TTF1: variants seen among roughly 807,000 people sequenced by gnomAD.
TTF1 encodes the protein transcription termination factor 1.
TTF1 carries 64 observed loss-of-function variants against 80.2 expected under a neutral mutation model. The ratio of observed to expected loss-of-function variants is 0.80; its 90% confidence interval spans 0.65 to 0.98. The LOEUF (loss-of-function observed/expected upper bound fraction) is 0.98, where lower values mean the gene tolerates loss of function less well. TTF1 is among the 50% of genes least tolerant of loss of function. The probability of loss-of-function intolerance (pLI) is 0.00; values close to 1 mark genes in which losing one functional copy is unlikely to be tolerated. For synonymous variants in TTF1, 372 were observed against 382.7 expected (o/e 0.97, Z 0.33); for missense variants, 1,023 against 1,086.2 (o/e 0.94, Z 0.82).
intron 1 of TTF1, among the ~76,000 whole-genome samples, chr9:132,406,007 C>T (rs1849859271): frequency 6.6e-6 from 1 of 152,208 alleles, no homozygotes; most frequent in Non-Finnish European, 1.5e-5. Context: ...CCAGCTGCTC[C>T]CCATTGCACT....
intron 9 of TTF1, among the ~76,000 whole-genome samples, chr9:132,380,128 G>A (rs778669612): frequency 3.3e-5 from 5 of 152,070 alleles, no homozygotes; most frequent in Non-Finnish European, 5.9e-5. Flanking sequence ...GGAGTGCAGA[G>A]GCACATTCTC....
At chr9:132,399,634 C>G (rs976079643) in intron 3 of TTF1, among the ~76,000 whole-genome samples, 1 of 152,218 alleles carries the variant, frequency 6.6e-6, no homozygotes, top group Admixed American at 6.5e-5. Flanking sequence ...TCTACCACAA[C>G]TGGCTCACCA....
At chr9:132,395,514 T>C (rs1183559339) in intron 5 of TTF1, among the ~76,000 whole-genome samples, 1 of 152,236 alleles carries the variant, frequency 6.6e-6, no homozygotes, top group East Asian at 1.9e-4. Flanking sequence ...TTTAGTGGAT[T>C]TTCTTAAAAG....
chr9:132,396,042 A>G (rs1849642235), intron 5 of TTF1, among the ~76,000 whole-genome samples: 1 of 152,214 alleles, frequency 6.6e-6, no homozygotes, highest in Non-Finnish European at 1.5e-5. Context: ...TCCACCTTCA[A>G]ATAGTTACTA....
At chr9:132,383,250 C>A (rs1305791901) in intron 9 of TTF1, among the ~76,000 whole-genome samples, 17 of 125,346 alleles carry the variant, frequency 1.4e-4, no homozygotes, top group African/African-American at 4.1e-4. Flanking sequence ...CTCTTGTCTT[C>A]AAAAAAAAAA....
chr9:132,377,449 GGT>G (rs1255611087), intron 10 of TTF1, among the ~76,000 whole-genome samples: 10 of 102,302 alleles, frequency 9.8e-5, no homozygotes, highest in Non-Finnish European at 1.4e-4. Flanking sequence ...GCATGCATGT[GGT>G]GTGTGTGAGT....
chr9:132,386,482 A>G (rs1432215026), intron 9 of TTF1, 74 bp downstream of exon 9: 23 of 1,193,332 alleles, frequency 1.9e-5, no homozygotes, highest in Non-Finnish European at 2.6e-5. Context: ...GCCCTGTAAG[A>G]TGATAGGGAG....
chr9:132,392,898 C>A lies in TTF1; in HGVS notation c.1857-692G>T, dbSNP rs12352748. On this transcript the variant is annotated intron_variant, in intron 5 of 10. Transcript: ENST00000334270. Reference sequence around the variant, plus strand: ...ACATTAAAAATGCCTATCATTTCAACACGTCATCAGTATCAAAAAATATCA... The same window carrying A: ...ACATTAAAAATGCCTATCATTTCAAAACGTCATCAGTATCAAAAAATATCA... Among the ~76,000 whole-genome samples, 1,374 of 152,262 alleles carry A rather than the reference C, an allele frequency of 9.0e-3. 21 individuals are homozygous for A. Among genetic ancestry groups the A allele is most frequent in the African/African-American group, 0.032 (1,316 of 41,544 alleles).
At position 132,402,103 on chromosome 9, in the gene TTF1, G is replaced by T; in HGVS notation, c.719C>A (p.Ser240Ter). 1 of 1,613,990 alleles carries T rather than the reference G, an allele frequency of 6.2e-7. No homozygotes were observed. The highest frequency in any genetic ancestry group is 8.5e-7 in the Non-Finnish European group (1 of 1,180,008). Residue 240 changes from serine to a stop codon, truncating the protein, a stop_gained, in exon 2 of 11, where the codon TCG becomes TAG. Transcript: ENST00000334270. LOFTEE classifies it high-confidence loss of function. ...EYETLAMPEG[S>*]QAGREAGTDM... Reference sequence around the variant, plus strand: ...AGTCCCGGCCTCTCTGCCTGCTTGCGATCCTTCAGGCATGGCCAGTGTCTC... The same window carrying T: ...AGTCCCGGCCTCTCTGCCTGCTTGCTATCCTTCAGGCATGGCCAGTGTCTC...
intron 10 of TTF1, among the ~76,000 whole-genome samples, chr9:132,378,271 TG>T (rs1317481968): frequency 9.1e-6 from 1 of 110,024 alleles, no homozygotes; most frequent in African/African-American, 3.7e-5. Flanking sequence ...TGAGTGCATG[TG>T]GTGTGTGAAT....
chr9:132,378,932 G>A, intron 10 of TTF1, 127 bp downstream of exon 10: 1 of 638,156 alleles, frequency 1.6e-6, no homozygotes, highest in East Asian at 2.9e-5. Flanking sequence ...TAATCTGCCT[G>A]TTTCCACCAT....
chr9:132,396,378 G>T (rs1849648795), intron 5 of TTF1, 55 bp downstream of exon 5: 2 of 1,516,378 alleles, frequency 1.3e-6, no homozygotes. Context: ...TTGATTTATG[G>T]TATCAGCAAA....
chr9:132,392,557 G>A (rs1295356500), intron 5 of TTF1, among the ~76,000 whole-genome samples: 4 of 151,214 alleles, frequency 2.6e-5, no homozygotes, highest in Admixed American at 2.0e-4. Flanking sequence ...TTTTCGGGGA[G>A]CGCCTCCCTG....
At chr9:132,396,587 C>A in intron 4 of TTF1, 76 bp from the exon 5 acceptor site, 1 of 1,226,826 alleles carries the variant, frequency 8.2e-7, no homozygotes, top group Non-Finnish European at 1.2e-6. Context: ...CCAGAACAGC[C>A]CTTATAACAA....
rs573130561 is a variant in TTF1 at position 132,389,023 on chromosome 9, A to G, written c.2223-795T>C. 3.9e-5 allele frequency among the ~76,000 whole-genome samples: 6 copies of G among 152,316 alleles called. No homozygotes were observed. In the East Asian group the frequency reaches 9.6e-4, roughly 24 times the overall value. Reference sequence around the variant, plus strand: ...TGTTACACAAGGTAAATAAACGTTCAGAGTTTAAGTTTCCTATTTTTATCT... The same window carrying G: ...TGTTACACAAGGTAAATAAACGTTCGGAGTTTAAGTTTCCTATTTTTATCT... On this transcript the variant is annotated intron_variant, in intron 7 of 10. Transcript: ENST00000334270.
At chr9:132,376,299 T>C (rs934030153) in intron 10 of TTF1, 131 bp from the exon 11 acceptor site, 11 of 1,036,240 alleles carry the variant, frequency 1.1e-5, no homozygotes, top group African/African-American at 3.2e-5. Flanking sequence ...CTGGTTCCAA[T>C]TGGTTTACCC....
Position 132,396,324 on chromosome 9 carries a change from C to T in TTF1, c.1856+109G>A, listed in dbSNP as rs189334135. ...AATACACCACCTGGTTTCACACACA[C>T]AAATCTGCGTTATCTTTACTGCTAA... On this transcript the variant is annotated intron_variant, in intron 5 of 10. Transcript: ENST00000334270. 3,490 of 1,149,928 alleles carry T rather than the reference C, an allele frequency of 3.0e-3. 11 individuals are homozygous for T. Among genetic ancestry groups the T allele is most frequent in the Admixed American group, 6.3e-3 (328 of 52,396 alleles). The allele number at this position is 1,149,928 out of a possible 1,614,324, so 71.2% of individuals were successfully genotyped here.
chr9:132,391,351 G>A (rs1256132831), intron 6 of TTF1, among the ~76,000 whole-genome samples: 2 of 152,096 alleles, frequency 1.3e-5, no homozygotes, highest in East Asian at 3.8e-4. Context: ...AGACATTCAC[G>A]GTCACGCTAA....
intron 9 of TTF1, among the ~76,000 whole-genome samples, chr9:132,381,822 A>G (rs1849376175): frequency 6.6e-6 from 1 of 152,170 alleles, no homozygotes; most frequent in Non-Finnish European, 1.5e-5. Flanking sequence ...TAACCACCAG[A>G]ACCAGTTTAA....
Sources: gnomAD v4.1 joint callset for allele counts (sites outside exome capture counted in the v4.1 genomes callset) on GRCh38, gnomAD v4.1.1 for gene constraint, MANE v1.5 for transcripts, NCBI Gene and HGNC (gene_info 2026-07-23, HGNC 2026-07-21) for gene names.